Variants in SFMBT2 observed in about 807,000 individuals in gnomAD.
SFMBT2 encodes the protein Scm like with four mbt domains 2, also known as scm-like with four MBT domains protein 2.
Under a neutral mutation model 110.1 loss-of-function variants are expected in SFMBT2, and 38 were observed. The ratio of observed to expected loss-of-function variants is 0.35; its 90% CI spans 0.27 to 0.45. The LOEUF (loss-of-function observed/expected upper bound fraction) is 0.45, where lower values mean the gene tolerates loss of function less well. Ranked by LOEUF, SFMBT2 falls within the 20% of genes least tolerant of loss-of-function variation. The pLI is 1.00. For missense variants in SFMBT2, 1,011 were observed against 1,094.9 expected, an observed-to-expected ratio of 0.92 and a Z score of 1.08; for synonymous variants, 425 against 425.4, an observed-to-expected ratio of 1.00 and a Z score of 0.01.
In SFMBT2 at chr10:7,303,229, C is replaced by T. The variant is rs563159041; in HGVS notation, c.437-17275G>A. ...TATGTTTGTGAAAAATGAAGCTTTA[C>T]TACTAGCAATTATTTTTAAGCAATG... is the stretch of plus-strand genomic sequence containing the variant. On this transcript the variant is annotated intron_variant, in intron 4 of 20. Transcript: ENST00000397167. Among the ~76,000 whole-genome samples the T allele has an allele frequency of 7.2e-5, 11 of 152,300 alleles. 1 individual carries two copies. The South Asian group carries it at 2.3e-3, about 32-fold the overall frequency.
At chr10:7,205,376 G>T in intron 12 of SFMBT2, 1 of 980,506 alleles carries the variant, frequency 1.0e-6, no homozygotes, top group Non-Finnish European at 1.2e-6. Flanking sequence ...TAGGAATGAG[G>T]CACTGTGCCT....
chr10:7,391,037 T>TTGG (rs1845748508), intron 1 of SFMBT2, among the ~76,000 whole-genome samples: 1 of 151,392 alleles, frequency 6.6e-6, no homozygotes, highest in Non-Finnish European at 1.5e-5. Context: ...GAGGCTAAGG[T>TTGG]TGCAGTGAGC....
At chr10:7,409,015 T>G (rs1269840331) in intron 1 of SFMBT2, among the ~76,000 whole-genome samples, 1 of 151,710 alleles carries the variant, frequency 6.6e-6, no homozygotes, top group African/African-American at 2.4e-5. Flanking sequence ...AACCCAAAAG[T>G]AAGGAAGGCA....
At chr10:7,191,593 T>G (rs1259891006) in intron 15 of SFMBT2, among the ~76,000 whole-genome samples, 1 of 152,238 alleles carries the variant, frequency 6.6e-6, no homozygotes, top group East Asian at 1.9e-4. Flanking sequence ...GTATCCTCTG[T>G]ACACAGCACA....
rs560328301 is a variant in SFMBT2 at position 7,320,624 on chromosome 10, C to T, written c.437-34670G>A. The T allele has an allele frequency of 6.0e-4, 588 of 984,902 alleles. 9 individuals carry two copies. The South Asian group carries it at 0.025, about 42-fold the overall frequency. 61.0% of individuals were successfully genotyped at this position (984,902 alleles called of 1,614,324 possible). A position where few individuals can be genotyped will look rare whatever the true frequency, so the allele number is the denominator to read the frequency against. ...CCAATATATGGAATTCCTTTTCATTCTTACCACCATTCTGGGAGGTTAAGT... is the reference window on the plus strand; with the variant it reads ...CCAATATATGGAATTCCTTTTCATTTTTACCACCATTCTGGGAGGTTAAGT... On this transcript the variant is annotated intron_variant, in intron 4 of 20. Coordinates refer to ENST00000397167, the MANE Select transcript of SFMBT2 (RefSeq NM_001387889.1).
Position 7,171,975 on chromosome 10 carries a change from G to T in SFMBT2, c.2335C>A (p.Arg779=). Residue 779 remains arginine, a synonymous_variant, in exon 19 of 21, where the codon CGA becomes AGA. Transcript: ENST00000397167. This position sits in a 1 kb window ranked among gnomAD's most constrained non-coding sequence, Gnocchi z 4.9. ...PVRRPPPERT[R]RGRGAPAASS... is the part of the protein sequence containing the mutation. Reference sequence around the variant, plus strand: ...GCAGCCGGCGCCCCGCGGCCCCTTCGTGTCCTCTCTGGGGGTGGCCGGCGC... The same window carrying T: ...GCAGCCGGCGCCCCGCGGCCCCTTCTTGTCCTCTCTGGGGGTGGCCGGCGC... The T allele has an allele frequency of 6.5e-7, 1 of 1,528,750 alleles. No individual in the cohort carries two copies. Among genetic ancestry groups the T allele is most frequent in the Non-Finnish European group, 8.8e-7 (1 of 1,141,508 alleles). The allele number at this position is 1,528,750 out of a possible 1,614,324, so 94.7% of individuals were successfully genotyped here.
At chr10:7,403,186 A>G (rs565929670) in intron 1 of SFMBT2, among the ~76,000 whole-genome samples, 1 of 152,332 alleles carries the variant, frequency 6.6e-6, no homozygotes, top group Admixed American at 6.5e-5. Context: ...CGAAAAACAA[A>G]AAGAGAACAA....
Position 7,335,776 on chromosome 10 carries a change from A to G in SFMBT2, c.436+31873T>C, listed in dbSNP as rs142226798. On this transcript the variant is annotated intron_variant, in intron 4 of 20. Coordinates refer to ENST00000397167, the MANE Select transcript of SFMBT2 (RefSeq NM_001387889.1). ...CTGTATCTCAGGCAAAAGACACTAC[A>G]TTCTGTGGACTGTAACGTAACAAAG... Among the ~76,000 whole-genome samples, 169 of 152,298 alleles carry G rather than the reference A, an allele frequency of 1.1e-3. 1 individual carries two copies. The highest frequency in any genetic ancestry group is 3.8e-3 in the African/African-American group (159 of 41,572).
At position 7,354,116 on chromosome 10, in the gene SFMBT2, A is replaced by T. The variant is rs1210315160; in HGVS notation, c.436+13533T>A. On this transcript the variant is annotated intron_variant, in intron 4 of 20. Transcript: ENST00000397167. ...AAAAAAAAAATATAAATAAAACAAAAAAATAAATAAATAAAAATATACATA... is the reference window on the plus strand; with the variant it reads ...AAAAAAAAAATATAAATAAAACAAATAAATAAATAAATAAAAATATACATA... Among the ~76,000 whole-genome samples, 10 of 151,782 alleles carry T rather than the reference A, an allele frequency of 6.6e-5. No homozygotes were observed. The East Asian group carries it at 1.9e-3, about 29-fold the overall frequency.
intron 4 of SFMBT2, among the ~76,000 whole-genome samples, chr10:7,351,981 G>A (rs1844338355): frequency 6.6e-6 from 1 of 151,936 alleles, no homozygotes; most frequent in Non-Finnish European, 1.5e-5. Flanking sequence ...AGTTTGTCAC[G>A]GTGAAGATGA....
intron 4 of SFMBT2, among the ~76,000 whole-genome samples, chr10:7,346,448 G>A (rs1045436212): frequency 1.4e-4 from 22 of 152,118 alleles, no homozygotes; most frequent in African/African-American, 5.1e-4. Flanking sequence ...TCTTACAAAT[G>A]TTGTGTACAG....
chr10:7,315,539 C>T lies in SFMBT2; in HGVS notation c.437-29585G>A, dbSNP rs78680242. Among the ~76,000 whole-genome samples the T allele has an allele frequency of 3.9e-3, 599 of 152,298 alleles. 3 individuals carry two copies. Among genetic ancestry groups the T allele is most frequent in the Non-Finnish European group, 4.9e-3 (336 of 68,028 alleles). ...GGCCTCAGGCTAGGACTGGAAATTA[C>T]ACCATCTTCCACCATCAGCTCTCCT... On this transcript the variant is annotated intron_variant, in intron 4 of 20. Coordinates refer to ENST00000397167, the MANE Select transcript of SFMBT2 (RefSeq NM_001387889.1).
At chr10:7,178,585 A>G (rs971483029) in intron 16 of SFMBT2, among the ~76,000 whole-genome samples, 5 of 152,048 alleles carry the variant, frequency 3.3e-5, no homozygotes, top group African/African-American at 1.2e-4. Context: ...CCCACACAAC[A>G]AAGAATTTAG....
intron 7 of SFMBT2, among the ~76,000 whole-genome samples, chr10:7,267,805 A>G (rs1368408843): frequency 6.7e-6 from 1 of 149,592 alleles, no homozygotes; most frequent in Non-Finnish European, 1.5e-5. Flanking sequence ...TTTAAAGGAT[A>G]AAAAAAGGAT....
intron 4 of SFMBT2, among the ~76,000 whole-genome samples, chr10:7,328,283 T>C (rs1367025983): frequency 6.6e-6 from 1 of 152,264 alleles, no homozygotes; most frequent in African/African-American, 2.4e-5. Flanking sequence ...GTGAAGTGTC[T>C]TTTTAAGTCT....
At position 7,203,595 on chromosome 10, in the gene SFMBT2, G is replaced by A. The variant is rs577297688; in HGVS notation, c.1445-1073C>T. Reference sequence around the variant, plus strand: ...TGAAGAGGGGAGGAAGAGGATCTAGGACACCAGGTTCTGTTTGAGGGACAA... The same window carrying A: ...TGAAGAGGGGAGGAAGAGGATCTAGAACACCAGGTTCTGTTTGAGGGACAA... On this transcript the variant is annotated intron_variant, in intron 12 of 20. Coordinates refer to ENST00000397167, the MANE Select transcript of SFMBT2 (RefSeq NM_001387889.1). The A allele has an allele frequency of 3.7e-4, 254 of 687,064 alleles. 2 individuals carry two copies. The highest frequency in any genetic ancestry group is 3.7e-3 in the Middle Eastern group (5 of 1,364). The allele number at this position is 687,064 out of a possible 1,614,324, so 42.6% of individuals were successfully genotyped here.
intron 4 of SFMBT2, among the ~76,000 whole-genome samples, chr10:7,341,592 C>A (rs1843905766): frequency 2.0e-5 from 3 of 152,162 alleles, no homozygotes; most frequent in Non-Finnish European, 2.9e-5. Context: ...CCATTTTTGG[C>A]TCCACGTTGT....
intron 17 of SFMBT2, among the ~76,000 whole-genome samples, chr10:7,173,383 G>A (rs539861145): frequency 6.6e-6 from 1 of 152,298 alleles, no homozygotes; most frequent in East Asian, 1.9e-4. Context: ...TGCTGGCGTG[G>A]TCCTGGCATG....
rs1842318708 is a variant in SFMBT2 at position 7,293,453 on chromosome 10, C to G, written c.437-7499G>C. 6.6e-6 allele frequency among the ~76,000 whole-genome samples: 1 copy of G among 151,998 alleles called. No individual in the cohort carries two copies. Among genetic ancestry groups the G allele is most frequent in the South Asian group, 2.1e-4 (1 of 4,816 alleles). ...GCTAATGGGATTCGCTGATGGGCTA[C>G]AAGAGAAGTAGAACACAGAAATGTC... On this transcript the variant is annotated intron_variant, in intron 4 of 20. Transcript: ENST00000397167. This position sits in a 1 kb window ranked among gnomAD's most constrained non-coding sequence, Gnocchi z 4.6.
Sources: allele counts gnomAD v4.1 joint callset (sites outside exome capture counted in the v4.1 genomes callset), GRCh38; gene constraint gnomAD v4.1.1; non-coding constraint Gnocchi (gnomAD v3.1); transcripts MANE v1.5; gene names NCBI Gene and HGNC (gene_info 2026-07-23, HGNC 2026-07-21).